Variants in LRRC47 observed in about 807,000 individuals in gnomAD.
LRRC47 encodes the protein leucine-rich repeat-containing protein 47.
Under a neutral mutation model 40.9 loss-of-function variants are expected in LRRC47, and 31 were observed. The ratio of observed to expected loss-of-function variants is 0.76; its 90% CI spans 0.57 to 1.02. The LOEUF (loss-of-function observed/expected upper bound fraction) is 1.02. Among genes scored for constraint, LRRC47 ranks in the 50% least tolerant of loss-of-function variants. The probability of loss-of-function intolerance (pLI) is 0.00; values close to 1 mark genes in which losing one functional copy is unlikely to be tolerated. For missense variants in LRRC47, 726 were observed against 796.1 expected (o/e 0.91, Z 1.06); for synonymous variants, 427 against 371.9 (o/e 1.15, Z -1.70).
At chr1:3,784,716 C>T (rs1488319327) in intron 3 of LRRC47, among the ~76,000 whole-genome samples, 1 of 152,246 alleles carries the variant, frequency 6.6e-6, no homozygotes, top group African/African-American at 2.4e-5. Context: ...AATGTTCAGG[C>T]CGGGTGCGGT....
chr1:3,786,069 C>T (rs541040603), intron 2 of LRRC47, among the ~76,000 whole-genome samples: 2 of 151,848 alleles, frequency 1.3e-5, no homozygotes, highest in East Asian at 2.0e-4. Context: ...GGGGTTTCGT[C>T]ATGTTGTCCA....
intron 5 of LRRC47, among the ~76,000 whole-genome samples, chr1:3,782,450 A>G (rs982076418): frequency 2.0e-5 from 3 of 152,028 alleles, no homozygotes; most frequent in East Asian, 3.9e-4. Context: ...ATGCACCGCC[A>G]CGCCCGGCGA....
At chr1:3,795,777 A>G in intron 1 of LRRC47, 85 bp downstream of exon 1, 1 of 1,401,336 alleles carries the variant, frequency 7.1e-7, no homozygotes, top group Non-Finnish European at 9.3e-7. Context: ...GGGCGTCACT[A>G]GGAACTGCTC....
intron 2 of LRRC47, 65 bp from the exon 3 acceptor site, chr1:3,785,268 C>A (rs71634371): frequency 0.087 from 103,123 of 1,184,360 alleles, 4,981 homozygotes; most frequent in African/African-American, 0.14. Context: ...GGTGTCCACA[C>A]TTCACCCTTG....
At chr1:3,795,775 C>G in intron 1 of LRRC47, 87 bp downstream of exon 1, 1 of 1,402,730 alleles carries the variant, frequency 7.1e-7, no homozygotes, top group Non-Finnish European at 9.3e-7. Context: ...GGGGGCGTCA[C>G]TAGGAACTGC....
rs745407837 is a variant in LRRC47, at chr1:3,796,318, G to C, written c.159C>G (p.His53Gln). ...TCCCGCAGCCGCTCACTTCCAAGTA[G>C]TGCAGCAGCGGCAGGGTGAAAAGCC... is the stretch of plus-strand genomic sequence containing the variant. ...PPRLFTLPLLHYLEVSGCGSL... is the reference protein window; with the variant it reads ...PPRLFTLPLLQYLEVSGCGSL... Residue 53 changes from histidine (H) to glutamine (Q), a missense_variant, in exon 1 of 7, where the codon CAC becomes CAG. Physicochemically the swap from His to Gln is conservative, Grantham distance 24. Coordinates refer to ENST00000378251, the MANE Select transcript of LRRC47 (RefSeq NM_020710.3). The C allele has an allele frequency of 6.6e-7, 1 of 1,507,472 alleles. No homozygotes were observed. Among genetic ancestry groups the C allele is most frequent in the South Asian group, 1.2e-5 (1 of 81,430 alleles). 93.4% of individuals were successfully genotyped at this position (1,507,472 alleles called of 1,614,324 possible). A position where few individuals can be genotyped will look rare whatever the true frequency, so the allele number is the denominator to read the frequency against.
Position 3,781,534 on chromosome 1 carries a change from T to A in LRRC47, c.1481A>T (p.Asp494Val), listed in dbSNP as rs1286797774. ...TSATSLQICK[D>V]VMDALILKMA... Reference sequence around the variant, plus strand: ...CACCAGAATGAGGGCATCCATGACATCCTTGCAAATCTGCAGACTGGTGGC... The same window carrying A: ...CACCAGAATGAGGGCATCCATGACAACCTTGCAAATCTGCAGACTGGTGGC... The change falls in exon 6 of 7, where the codon GAT becomes GTT. Residue 494 changes from aspartate (D) to valine (V), a missense_variant. Asp to Val is a radical substitution (Grantham distance 152, BLOSUM62 -3). Coordinates refer to ENST00000378251, the MANE Select transcript of LRRC47 (RefSeq NM_020710.3). The A allele has an allele frequency of 1.2e-6, 2 of 1,613,820 alleles. No individual in the cohort carries two copies. Among genetic ancestry groups the A allele is most frequent in the African/African-American group, 1.3e-5 (1 of 74,904 alleles).
chr1:3,791,097 C>G (rs1023468314), intron 1 of LRRC47, among the ~76,000 whole-genome samples: 1 of 152,046 alleles, frequency 6.6e-6, no homozygotes, highest in Non-Finnish European at 1.5e-5. Context: ...GGCCCCGAGA[C>G]GACACACGGA....
intron 1 of LRRC47, among the ~76,000 whole-genome samples, 192 bp from the exon 2 acceptor site, chr1:3,787,502 G>A (rs1643587732): frequency 6.6e-6 from 1 of 152,182 alleles, no homozygotes; most frequent in Non-Finnish European, 1.5e-5. Flanking sequence ...CCACATCAAA[G>A]GCACTATCCG....
In LRRC47 at chr1:3,795,856, G is replaced by A. The variant is rs762212818; in HGVS notation, c.615+6C>T. 24 of 1,567,318 alleles carry A rather than the reference G, an allele frequency of 1.5e-5. No homozygotes were observed. The highest frequency in any genetic ancestry group is 2.0e-5 in the Non-Finnish European group (23 of 1,163,404). On this transcript the variant is annotated splice_donor_region_variant and intron_variant, in intron 1 of 6. Transcript: ENST00000378251. ...ATCCCGCCCCGCCCGGGCAGCCCCC[G>A]CTGACCTTGAGCGAGGCCAGGTGGG... is the stretch of plus-strand genomic sequence containing the variant.
chr1:3,781,274 A>T lies in LRRC47; in HGVS notation c.1566T>A (p.Thr522=). 3 of 1,614,196 alleles carry T rather than the reference A, an allele frequency of 1.9e-6. No homozygotes were observed. The highest frequency in any genetic ancestry group is 2.5e-6 in the Non-Finnish European group (3 of 1,180,022). The change falls in exon 7 of 7, where the codon ACT becomes ACA. Residue 522 remains threonine (T), a synonymous_variant. Transcript: ENST00000378251. The part of the protein sequence containing the change: ...ENKEEGSLSD[T]EADAVSGQLP... ...GTTGTCCAGAGACTGCATCGGCTTC[A>T]GTATCTGAGAGTGATCCTTCCTCTT... is the stretch of plus-strand genomic sequence containing the variant.
At position 3,792,596 on chromosome 1, in the gene LRRC47, G is replaced by T. The variant is rs569706235; in HGVS notation, c.615+3266C>A. Reference sequence around the variant, plus strand: ...CTGCCTCGGCCTCCCGAGTAGCTGGGACTACAGGCATGCACCACCACACCC... The same window carrying T: ...CTGCCTCGGCCTCCCGAGTAGCTGGTACTACAGGCATGCACCACCACACCC... On this transcript the variant is annotated intron_variant, in intron 1 of 6. Transcript: ENST00000378251. Among the ~76,000 whole-genome samples, 773 of 152,094 alleles carry T rather than the reference G, an allele frequency of 5.1e-3. 7 individuals carry two copies. Among genetic ancestry groups the T allele is most frequent in the African/African-American group, 0.017 (721 of 41,466 alleles).
chr1:3,791,746 G>A (rs1232027142), intron 1 of LRRC47, among the ~76,000 whole-genome samples: 2 of 151,806 alleles, frequency 1.3e-5, no homozygotes, highest in East Asian at 1.9e-4. Context: ...ATGAGCCACC[G>A]CACCCGGCCT....
At position 3,796,287 on chromosome 1, in the gene LRRC47, GCAAGCTCC is replaced by G; in HGVS notation, c.182_189del (p.Gly61AlafsTer120). ...TGCGCCAGGCCAGGCCCCGGCGCGC[GCAAGCTCC>G]CGCAGCCGCTCACTTCCAAGTAGTG... On this transcript the variant is annotated frameshift_variant, in exon 1 of 7. Transcript: ENST00000378251. LOFTEE classifies it high-confidence loss of function. 1.4e-6 allele frequency: 2 copies of G among 1,480,828 alleles called. No homozygotes were observed. The highest frequency in any genetic ancestry group is 1.8e-6 in the Non-Finnish European group (2 of 1,124,202). 91.7% of individuals were successfully genotyped at this position (1,480,828 alleles called of 1,614,324 possible). A position where few individuals can be genotyped will look rare whatever the true frequency, so the allele number is the denominator to read the frequency against.
Position 3,796,076 on chromosome 1 carries a change from A to C in LRRC47, c.401T>G (p.Leu134Arg), listed in dbSNP as rs1643673122. The C allele has an allele frequency of 6.6e-7, 1 of 1,516,450 alleles. No individual in the cohort carries two copies. The highest frequency in any genetic ancestry group is 2.7e-5 in the East Asian group (1 of 37,528). 93.9% of individuals were successfully genotyped at this position (1,516,450 alleles called of 1,614,324 possible). A position where few individuals can be genotyped will look rare whatever the true frequency, so the allele number is the denominator to read the frequency against. Residue 134 changes from leucine to arginine, a missense_variant, in exon 1 of 7, where the codon CTC becomes CGC. Leu to Arg is a moderately radical substitution (Grantham distance 102). Transcript: ENST00000378251. ...GCGCAGCCGGTTGCCGCTGAGGTTG[A>C]GGCTCTGCAGCTGCGGAAGGCCCGG... ...EPPGLPQLQS[L>R]NLSGNRLREL... is the part of the protein sequence containing the mutation.
chr1:3,784,995 A>T (rs1643558446), intron 3 of LRRC47, 92 bp downstream of exon 3: 1 of 753,948 alleles, frequency 1.3e-6, no homozygotes, highest in Middle Eastern at 3.6e-4. Flanking sequence ...TCCATCTCCA[A>T]AAAAAAAAAA....
rs138073750 is a variant in LRRC47 at position 3,784,015 on chromosome 1, T to A, written c.1291A>T (p.Ser431Cys). ...EEQRKQKKRQ[S>C]VSGLHRYLHL... is the part of the protein sequence containing the mutation. ...GCCCACCTGTGCAGGCCCGACACAC[T>A]CTGCCGCTTCTTCTGCTTCCTCTGC... The change falls in exon 4 of 7, where the codon AGT (serine) becomes TGT (cysteine). Residue 431 changes from serine (S) to cysteine (C), a missense_variant. Coordinates refer to ENST00000378251, the MANE Select transcript of LRRC47 (RefSeq NM_020710.3). The A allele has an allele frequency of 1.3e-4, 217 of 1,609,236 alleles. 2 individuals carry two copies. In the African/African-American group the frequency reaches 2.4e-3, roughly 18 times the overall value.
chr1:3,787,047 A>G lies in LRRC47; in HGVS notation c.879T>C (p.Gly293=). The part of the protein sequence containing the change: ...KRRERKQRRE[G]GDGEEQDVGD... ...CCACGTCCTGCTCCTCCCCATCACC[A>G]CCTTCCCGCCTCTGCTTCCTCTCCC... Residue 293 remains glycine (G), a synonymous_variant, in exon 2 of 7, where the codon GGT becomes GGC. Coordinates refer to ENST00000378251, the MANE Select transcript of LRRC47 (RefSeq NM_020710.3). The G allele has an allele frequency of 6.2e-7, 1 of 1,609,302 alleles. No individual in the cohort carries two copies. Among genetic ancestry groups the G allele is most frequent in the Admixed American group, 1.7e-5 (1 of 59,620 alleles).
intron 3 of LRRC47, 45 bp from the exon 4 acceptor site, chr1:3,784,156 G>C: frequency 6.6e-7 from 1 of 1,520,098 alleles, no homozygotes; most frequent in South Asian, 1.2e-5. Context: ...CACAGCCACA[G>C]AACTCGCCCA....
Sources: gnomAD v4.1 joint callset for allele counts (sites outside exome capture counted in the v4.1 genomes callset) on GRCh38, gnomAD v4.1.1 for gene constraint, MANE v1.5 for transcripts, NCBI Gene and HGNC (gene_info 2026-07-23, HGNC 2026-07-21) for gene names.